Variants in ZNF362 observed in about 807,000 individuals in gnomAD.
The protein encoded by ZNF362 is rotund homolog.
ZNF362 carries 11 observed loss-of-function variants against 42.9 expected under a neutral mutation model. The ratio of observed to expected loss-of-function variants is 0.26; its 90% CI spans 0.16 to 0.42. ZNF362 has a LOEUF of 0.42. ZNF362 is among the 20% of genes least tolerant of loss of function. The pLI is 1.00. For synonymous variants in ZNF362, 255 were observed against 257.3 expected, an observed-to-expected ratio of 0.99 and a Z score of 0.09; for missense variants, 362 against 576.2, an observed-to-expected ratio of 0.63 and a Z score of 3.81.
chr1:33,174,949 A>G, the ZNF362 span, among the ~76,000 whole-genome samples: 324 of 7,416 alleles, frequency 0.044, no homozygotes, highest in Admixed American at 0.15. Flanking sequence ...ATGTGTGTAT[A>G]TATATATATA....
chr1:33,181,099 A>G, the ZNF362 span: 4 of 1,599,904 alleles, frequency 2.5e-6, no homozygotes, highest in Non-Finnish European at 3.4e-6. The surrounding 1 kb of genome is among the most constrained non-coding windows in gnomAD (Gnocchi z 6.5). Context: ...TCGCAGAAGA[A>G]GCAGAGAAGC....
the ZNF362 span, among the ~76,000 whole-genome samples, chr1:33,168,024 G>C: frequency 9.9e-5 from 15 of 152,152 alleles, no homozygotes; most frequent in Admixed American, 5.9e-4. Context: ...ATAAAGGAGC[G>C]AGGTTACCAA....
the ZNF362 span, among the ~76,000 whole-genome samples, chr1:33,231,346 T>C: frequency 7.2e-5 from 11 of 152,230 alleles, no homozygotes; most frequent in Non-Finnish European, 1.2e-4. Context: ...TATTGCATGA[T>C]GGCCACATCA....
At chr1:33,145,756 G>A in the ZNF362 span, 1 of 422,678 alleles carries the variant, frequency 2.4e-6, no homozygotes, top group South Asian at 1.8e-5. Context: ...CAAGGGGCAG[G>A]ACAACCCTAG....
chr1:33,262,379 A>G (rs913878990), intron 1 of ZNF362, among the ~76,000 whole-genome samples: 28 of 6,200 alleles, frequency 4.5e-3, no homozygotes, highest in Middle Eastern at 0.05. Context: ...ATCTCCCCTC[A>G]CTGTAAGCTC....
chr1:33,250,914 G>C, the ZNF362 span, among the ~76,000 whole-genome samples: 2 of 115,102 alleles, frequency 1.7e-5, no homozygotes, highest in Non-Finnish European at 3.8e-5. Context: ...GAAGGTGCAT[G>C]GTTGATGCTT....
the ZNF362 span, among the ~76,000 whole-genome samples, chr1:33,224,755 GAA>G: frequency 3.9e-5 from 6 of 152,150 alleles, no homozygotes; most frequent in Non-Finnish European, 8.8e-5. Flanking sequence ...TGATGGTTGA[GAA>G]TTTCCAAAAC....
intron 6 of ZNF362, among the ~76,000 whole-genome samples, chr1:33,283,885 G>T (rs1646014103): frequency 6.6e-6 from 1 of 152,228 alleles, no homozygotes; most frequent in Non-Finnish European, 1.5e-5. Context: ...TATGTACAGA[G>T]ATGTATGTAA....
chr1:33,275,570 A>G (rs1214906528), intron 2 of ZNF362, among the ~76,000 whole-genome samples: 1 of 152,206 alleles, frequency 6.6e-6, no homozygotes, highest in African/African-American at 2.4e-5. Flanking sequence ...TTGTCCTGCC[A>G]AACTGCCCCT....
chr1:33,221,061 G>C, the ZNF362 span, among the ~76,000 whole-genome samples: 19 of 152,144 alleles, frequency 1.2e-4, no homozygotes, highest in Admixed American at 5.9e-4. Context: ...AAGAGACAGG[G>C]CCATGTGTGT....
the ZNF362 span, among the ~76,000 whole-genome samples, chr1:33,231,638 TG>T: frequency 6.6e-6 from 1 of 152,194 alleles, no homozygotes; most frequent in Non-Finnish European, 1.5e-5. Flanking sequence ...GTTATTTTGT[TG>T]TCTCCCCAAC....
At chr1:33,224,457 A>G in the ZNF362 span, among the ~76,000 whole-genome samples, 2 of 152,212 alleles carry the variant, frequency 1.3e-5, no homozygotes, top group African/African-American at 4.8e-5. Flanking sequence ...TATCTATATG[A>G]GATACATAAT....
At chr1:33,222,501 T>C in the ZNF362 span, among the ~76,000 whole-genome samples, 5 of 152,196 alleles carry the variant, frequency 3.3e-5, no homozygotes, top group African/African-American at 4.8e-5. Context: ...AGTGATCTTT[T>C]AAAAACATGA....
intron 6 of ZNF362, among the ~76,000 whole-genome samples, chr1:33,289,301 A>G (rs1193011314): frequency 1.3e-5 from 2 of 152,152 alleles, no homozygotes; most frequent in African/African-American, 2.4e-5. Context: ...CTTAGAAACC[A>G]AGGCCAGAAT....
At chr1:33,144,481 T>C in the ZNF362 span, among the ~76,000 whole-genome samples, 1 of 152,344 alleles carries the variant, frequency 6.6e-6, no homozygotes, top group East Asian at 1.9e-4. Flanking sequence ...ATTTTGCGTG[T>C]ACTAAACCTC....
the ZNF362 span, chr1:33,147,199 C>T: frequency 1.6e-4 from 253 of 1,613,496 alleles, no homozygotes; most frequent in Non-Finnish European, 2.0e-4. The surrounding 1 kb of genome is among the most constrained non-coding windows in gnomAD (Gnocchi z 8.1). Context: ...GGTGTTGATC[C>T]GCAGCGGCTG....
At chr1:33,138,954 T>C in the ZNF362 span, among the ~76,000 whole-genome samples, 1 of 152,178 alleles carries the variant, frequency 6.6e-6, no homozygotes, top group Non-Finnish European at 1.5e-5. Context: ...TGAAAGATGA[T>C]CATATTTGTG....
chr1:33,202,645 G>T, the ZNF362 span, among the ~76,000 whole-genome samples: 1 of 150,436 alleles, frequency 6.6e-6, no homozygotes, highest in African/African-American at 2.4e-5. Context: ...ACTATGCCTC[G>T]GGAATGTAAG....
At chr1:33,137,753 G>A in the ZNF362 span, among the ~76,000 whole-genome samples, 2 of 152,144 alleles carry the variant, frequency 1.3e-5, no homozygotes, top group African/African-American at 4.8e-5. Flanking sequence ...GCCCACCTCT[G>A]ATACCTACCT....
Sources: gnomAD v4.1 joint callset for allele counts (sites outside exome capture counted in the v4.1 genomes callset) on GRCh38, gnomAD v4.1.1 for gene constraint, Gnocchi (gnomAD v3.1) non-coding constraint, MANE v1.5 for transcripts, NCBI Gene and HGNC (gene_info 2026-07-23, HGNC 2026-07-21) for gene names.